The following MTMR4 variants were observed in gnomAD, a reference collection of about 807,000 sequenced individuals.
The protein encoded by MTMR4 is myotubularin related protein 4, also known as phosphatidylinositol-3,5-bisphosphate 3-phosphatase MTMR4.
A neutral mutation model predicts 125.5 loss-of-function variants in MTMR4; 30 were observed. The ratio of observed to expected loss-of-function variants is 0.24; its 90% CI spans 0.18 to 0.32. The LOEUF (loss-of-function observed/expected upper bound fraction) is 0.32. Among genes scored for constraint, MTMR4 ranks in the 10% least tolerant of loss-of-function variants. The pLI is 1.00. For missense variants in MTMR4, 1,039 were observed against 1,511.5 expected, an observed-to-expected ratio of 0.69 and a Z score of 5.18; for synonymous variants, 498 against 564.5, an observed-to-expected ratio of 0.88 and a Z score of 1.67.
In MTMR4 at chr17:58,491,509, T is replaced by C. The variant is rs1482112751; in HGVS notation, c.*154A>G. ...GGACCTCCTGCTAAATTGCAATTCC[T>C]CTGCTCCAGTTTCATGATACCAAGG... On this transcript the variant is annotated 3_prime_UTR_variant, in exon 18 of 18. Coordinates refer to ENST00000682306, the MANE Select transcript of MTMR4 (RefSeq NM_001378067.1). 2.1e-5 allele frequency: 16 copies of C among 763,656 alleles called. No homozygotes were observed. In the East Asian group the frequency reaches 4.6e-4, roughly 22 times the overall value. The allele number at this position is 763,656 out of a possible 1,614,324, so 47.3% of individuals were successfully genotyped here.
At chr17:58,514,246 C>T (rs1029236131) in intron 1 of MTMR4, 117 bp downstream of exon 1, 64 of 913,678 alleles carry the variant, frequency 7.0e-5, no homozygotes, top group Middle Eastern at 5.5e-4. Flanking sequence ...CCCTGCCCCC[C>T]AAACGTTCGG....
At chr17:58,501,699 T>TATATA (rs2143877767) in intron 14 of MTMR4, among the ~76,000 whole-genome samples, 1 of 151,872 alleles carries the variant, frequency 6.6e-6, no homozygotes, top group African/African-American at 2.4e-5. Flanking sequence ...TATATATGTA[T>TATATA]ATATATCCTT....
rs1975825812 is a variant in MTMR4 at position 58,508,154 on chromosome 17, G to A, written c.707+7C>T. On this transcript the variant is annotated splice_region_variant and intron_variant, in intron 7 of 17. Coordinates refer to ENST00000682306, the MANE Select transcript of MTMR4 (RefSeq NM_001378067.1). The surrounding 1 kb of genome is among the most constrained non-coding windows in gnomAD (Gnocchi z 4.8). ...GGCCTCCCTACTTCCCAGCCCCACT[G>A]CCTCACCTATACACAACCACGGGAA... 1.2e-6 allele frequency: 2 copies of A among 1,609,204 alleles called. No homozygotes were observed. The highest frequency in any genetic ancestry group is 1.7e-6 in the Non-Finnish European group (2 of 1,176,242).
At chr17:58,510,394 A>G (rs1975896071) in intron 4 of MTMR4, among the ~76,000 whole-genome samples, 2 of 152,086 alleles carry the variant, frequency 1.3e-5, no homozygotes, top group Non-Finnish European at 1.5e-5. Flanking sequence ...TGTCTCTGGC[A>G]CACTCTTCCA....
In MTMR4 at chr17:58,512,240, C is replaced by A; in HGVS notation, c.252+150G>T. On this transcript the variant is annotated intron_variant, in intron 3 of 17. Transcript: ENST00000682306. This position sits in a 1 kb window ranked among gnomAD's most constrained non-coding sequence, Gnocchi z 4.1. The stretch of plus-strand genomic sequence containing the variant: ...ACCTCAAGTGATCCACCCGCCTCGG[C>A]CTCCCAAAGTGCTGGGATTACAGGC... 3.1e-6 allele frequency: 2 copies of A among 642,808 alleles called. No individual in the cohort carries two copies. The highest frequency in any genetic ancestry group is 2.8e-6 in the Non-Finnish European group (1 of 359,992). The allele number at this position is 642,808 out of a possible 1,614,324, so 39.8% of individuals were successfully genotyped here.
At position 58,505,561 on chromosome 17, in the gene MTMR4, G is replaced by A. The variant is rs201483541; in HGVS notation, c.1056C>T (p.Val352=). The change falls in exon 10 of 18, where the codon GTC becomes GTT. Residue 352 remains valine, a synonymous_variant. Transcript: ENST00000682306. ...GGATGTTGGCCATTCCCATGAACAC[G>A]ACCTCACAGTTGGGATAGTACTCTG... The part of the protein sequence containing the change: ...ECEEYYPNCE[V]VFMGMANIHA... The A allele has an allele frequency of 1.8e-5, 29 of 1,611,432 alleles. No individual in the cohort carries two copies. The Admixed American group carries it at 2.0e-4, about 11-fold the overall frequency.
intron 14 of MTMR4, among the ~76,000 whole-genome samples, chr17:58,496,991 C>T (rs1021479809): frequency 6.6e-6 from 1 of 152,238 alleles, no homozygotes; most frequent in Admixed American, 6.5e-5. Flanking sequence ...GTGTGCTCCT[C>T]TGCTTCCCAA....
chr17:58,514,659 C>A, upstream of MTMR4: 2 of 985,226 alleles, frequency 2.0e-6, no homozygotes, highest in Non-Finnish European at 2.4e-6. Context: ...GGGGAGAGCC[C>A]GGGACCGCGG....
chr17:58,505,991 C>A (rs1451293880), intron 9 of MTMR4, among the ~76,000 whole-genome samples: 1 of 152,192 alleles, frequency 6.6e-6, no homozygotes, highest in African/African-American at 2.4e-5. Flanking sequence ...GCTTTCCTGG[C>A]AGGGCAGAGC....
upstream of MTMR4, among the ~76,000 whole-genome samples, chr17:58,518,851 G>C (rs2042066194): frequency 6.6e-6 from 1 of 152,152 alleles, no homozygotes; most frequent in African/African-American, 2.4e-5. Context: ...CAGGTCTGGA[G>C]CGGGCCTGAG....
upstream of MTMR4, chr17:58,517,822 C>G (rs2042039994): frequency 6.5e-6 from 1 of 153,050 alleles, no homozygotes; most frequent in African/African-American, 2.4e-5. Context: ...CTCACCCAGG[C>G]GGCGTCCGCC....
rs1013947273 is a variant in MTMR4 at position 58,496,104 on chromosome 17, G to T, written c.2080C>A (p.Pro694Thr). 2.5e-6 allele frequency: 4 copies of T among 1,614,056 alleles called. No individual in the cohort carries two copies. The African/African-American group carries it at 5.3e-5, about 22-fold the overall frequency. ...CTCAAGTAGTCTTTCTGGCTGCTGG[G>T]CAGAGGAGGAGGAAGACCCACTTCT... ...VGEVGLPPPL[P>T]SSQKDYLSNK... is the part of the protein sequence containing the mutation. The change falls in exon 15 of 18, where the codon CCC (proline) becomes ACC (threonine). Residue 694 changes from proline (P) to threonine (T), a missense_variant. Coordinates refer to ENST00000682306, the MANE Select transcript of MTMR4 (RefSeq NM_001378067.1).
In MTMR4 at chr17:58,495,091, G is replaced by T. The variant is rs1975419155; in HGVS notation, c.3093C>A (p.Pro1031=). The T allele has an allele frequency of 6.2e-7, 1 of 1,614,072 alleles. No homozygotes were observed. Among genetic ancestry groups the T allele is most frequent in the African/African-American group, 1.3e-5 (1 of 74,914 alleles). Residue 1031 remains proline, a synonymous_variant, in exon 15 of 18, where the codon CCC becomes CCA. Transcript: ENST00000682306. ...LYLDDDGLPF[P]TDVIQHRLRQ... The stretch of plus-strand genomic sequence containing the variant: ...GTAACCTATGCTGGATCACATCCGT[G>T]GGAAAGGGGAGTCCATCATCATCCA...
chr17:58,497,997 G>A (rs1033273225), intron 14 of MTMR4, among the ~76,000 whole-genome samples: 1 of 152,136 alleles, frequency 6.6e-6, no homozygotes, highest in Non-Finnish European at 1.5e-5. Context: ...GGAGGTCAAG[G>A]CAGGCAGATC....
At position 58,495,281 on chromosome 17, in the gene MTMR4, G is replaced by A; in HGVS notation, c.2903C>T (p.Ala968Val). 6.2e-7 allele frequency: 1 copy of A among 1,614,134 alleles called. No individual in the cohort carries two copies. ...ATGPCFGGQW[A>V]QREGVKSPVC... ...AGGTGACTTCACACCTTCTCTCTGAGCCCACTGGCCCCCAAAGCAGGGCCC... is the reference window on the plus strand; with the variant it reads ...AGGTGACTTCACACCTTCTCTCTGAACCCACTGGCCCCCAAAGCAGGGCCC... The change falls in exon 15 of 18, where the codon GCT becomes GTT. Residue 968 changes from alanine to valine, a missense_variant. Transcript: ENST00000682306.
rs1355979690 is a variant in MTMR4 at position 58,506,664 on chromosome 17, A to G, written c.1033+79T>C. On this transcript the variant is annotated intron_variant, in intron 9 of 17. Coordinates refer to ENST00000682306, the MANE Select transcript of MTMR4 (RefSeq NM_001378067.1). Reference sequence around the variant, plus strand: ...GGTTTGTTTGGGCTCTTTCCACTATACAAATGGCCCCCAACCCCCTCCTCA... The same window carrying G: ...GGTTTGTTTGGGCTCTTTCCACTATGCAAATGGCCCCCAACCCCCTCCTCA... The G allele has an allele frequency of 1.9e-6, 3 of 1,559,652 alleles. No individual in the cohort carries two copies. In the Admixed American group the frequency reaches 5.4e-5, roughly 28 times the overall value.
In MTMR4 at chr17:58,508,658, C is replaced by G. The variant is rs185895893; in HGVS notation, c.496+23G>C. ...AACTAAGGGGTAAGAAGCAGCCTCC[C>G]AAAGAAAATAGACTGGCCTCACCTG... On this transcript the variant is annotated intron_variant, in intron 5 of 17. Transcript: ENST00000682306. The surrounding 1 kb of genome is among the most constrained non-coding windows in gnomAD (Gnocchi z 4.8). The G allele has an allele frequency of 2.1e-3, 3,406 of 1,613,508 alleles. 6 individuals are homozygous for G. The highest frequency in any genetic ancestry group is 2.7e-3 in the Non-Finnish European group (3,183 of 1,179,464).
At chr17:58,515,053 A>G, upstream of MTMR4, 2 of 985,358 alleles carry the variant, frequency 2.0e-6, no homozygotes, top group African/African-American at 3.5e-5. Context: ...CTTTCCCCTT[A>G]GAATGGTGCC....
At position 58,512,715 on chromosome 17, in the gene MTMR4, CCCT is replaced by C; in HGVS notation, c.135+134_135+136del. ...AAAGGCTCCAGGATGCGCAGACAAA[CCCT>C]CCTCCTCCAGAGACCAGGGAACATG... On this transcript the variant is annotated intron_variant, in intron 2 of 17. Transcript: ENST00000682306. This position sits in a 1 kb window ranked among gnomAD's most constrained non-coding sequence, Gnocchi z 4.1. The C allele has an allele frequency of 3.6e-6, 3 of 836,666 alleles. No homozygotes were observed. The highest frequency in any genetic ancestry group is 5.8e-6 in the Non-Finnish European group (3 of 520,942). 51.8% of individuals were successfully genotyped at this position (836,666 alleles called of 1,614,324 possible). A position where few individuals can be genotyped will look rare whatever the true frequency, so the allele number is the denominator to read the frequency against.
Sources: allele counts gnomAD v4.1 joint callset (sites outside exome capture counted in the v4.1 genomes callset), GRCh38; gene constraint gnomAD v4.1.1; non-coding constraint Gnocchi (gnomAD v3.1); transcripts MANE v1.5; gene names NCBI Gene and HGNC (gene_info 2026-07-23, HGNC 2026-07-21).